The following PCDHGA1 variants were observed in gnomAD, a reference collection of about 807,000 sequenced individuals.
PCDHGA1 encodes the protein protocadherin gamma-A1.
PCDHGA1 carries 32 observed loss-of-function variants against 58.0 expected under a neutral mutation model. That is an observed-to-expected ratio of 0.55 (90% CI 0.42 to 0.74). PCDHGA1 has a LOEUF of 0.74. PCDHGA1 is among the 30% of genes least tolerant of loss of function. PCDHGA1 has a pLI of 0.00. For synonymous variants in PCDHGA1, 498 were observed against 501.1 expected (o/e 0.99, Z 0.08); for missense variants, 1,205 against 1,182.3 (o/e 1.02, Z -0.28).
At chr5:141,365,299 T>TGGAG (rs1561533738) in intron 1 of PCDHGA1, 1 of 1,614,002 alleles carries the variant, frequency 6.2e-7, no homozygotes, top group South Asian at 1.1e-5. Context: ...TAGCTCAGGA[T>TGGAG]GGAGGCGCTC....
At chr5:141,416,859 G>C (rs1411419006) in intron 1 of PCDHGA1, 1 of 151,936 alleles carries the variant, frequency 6.6e-6, no homozygotes, top group African/African-American at 2.4e-5. Context: ...ATTTTTTTCA[G>C]GTCAGTCAAC....
intron 1 of PCDHGA1, chr5:141,340,485 T>A (rs756760446): frequency 1.2e-6 from 2 of 1,614,154 alleles, no homozygotes; most frequent in Non-Finnish European, 1.7e-6. Flanking sequence ...TCCTCTTACA[T>A]CTCTATCAAC....
In PCDHGA1 at chr5:141,350,355, G is replaced by A. The variant is rs762723957; in HGVS notation, c.2421+17250G>A. The stretch of plus-strand genomic sequence containing the variant: ...TGCGGGGCCATCTCCCAGCAGATCC[G>A]ATACACGATTCCAGAGGAGCTAGCC... On this transcript the variant is annotated intron_variant, in intron 1 of 3. Coordinates refer to ENST00000517417, the MANE Select transcript of PCDHGA1 (RefSeq NM_018912.3). 2 of 1,565,846 alleles carry A rather than the reference G, an allele frequency of 1.3e-6. No homozygotes were observed. Among genetic ancestry groups the A allele is most frequent in the Non-Finnish European group, 1.7e-6 (2 of 1,155,674 alleles).
chr5:141,466,068 G>C (rs1278308918), intron 1 of PCDHGA1, among the ~76,000 whole-genome samples: 4 of 152,080 alleles, frequency 2.6e-5, no homozygotes, highest in Admixed American at 2.6e-4. Flanking sequence ...CTTGCAGTGA[G>C]CTGATATCAT....
At chr5:141,372,294 G>T (rs536487253) in intron 1 of PCDHGA1, 39 of 1,613,162 alleles carry the variant, frequency 2.4e-5, no homozygotes, top group Non-Finnish European at 2.9e-5. Flanking sequence ...TACCTTGGGC[G>T]ACAGGGAGGC....
intron 1 of PCDHGA1, among the ~76,000 whole-genome samples, chr5:141,464,404 T>G (rs1224596546): frequency 6.6e-6 from 1 of 151,532 alleles, no homozygotes; most frequent in African/African-American, 2.4e-5. Flanking sequence ...GAACCTGAGA[T>G]ATATATATAT....
chr5:141,507,631 C>T (rs1435446169), intron 3 of PCDHGA1, among the ~76,000 whole-genome samples: 4 of 152,236 alleles, frequency 2.6e-5, no homozygotes, highest in East Asian at 3.8e-4. Context: ...TGTGGCCTTG[C>T]GCCCTGAGGC....
intron 1 of PCDHGA1, among the ~76,000 whole-genome samples, chr5:141,466,534 T>C (rs1343781541): frequency 6.6e-6 from 1 of 152,214 alleles, no homozygotes; most frequent in Non-Finnish European, 1.5e-5. Flanking sequence ...CAAATTGATG[T>C]AGATGGTCTT....
At chr5:141,415,740 G>GTTTTTTT (rs57426385) in intron 1 of PCDHGA1, 164 of 624,990 alleles carry the variant, frequency 2.6e-4, no homozygotes, top group African/African-American at 5.0e-4. Flanking sequence ...GTTTATTAAG[G>GTTTTTTT]TTTTTTTTTT....
At position 141,477,761 on chromosome 5, in the gene PCDHGA1, AC is replaced by A. The variant is rs754006143; in HGVS notation, c.2422-17044del. ...CGATGGGGGCACCCCGGTCCTAGCC[AC>A]CAACATCAGCGTGAACATATTTGTC... On this transcript the variant is annotated intron_variant, in intron 1 of 3. Coordinates refer to ENST00000517417, the MANE Select transcript of PCDHGA1 (RefSeq NM_018912.3). This position sits in a 1 kb window ranked among gnomAD's most constrained non-coding sequence, Gnocchi z 4.9. 5 of 1,613,854 alleles carry A rather than the reference AC, an allele frequency of 3.1e-6. No homozygotes were observed. Among genetic ancestry groups the A allele is most frequent in the Non-Finnish European group, 4.2e-6 (5 of 1,180,044 alleles).
At position 141,511,963 on chromosome 5, in the gene PCDHGA1, AGT is replaced by A. The variant is rs1204123000; in HGVS notation, c.*796_*797del. On this transcript the variant is annotated 3_prime_UTR_variant, in exon 4 of 4. Transcript: ENST00000517417. ...ATGGGGTGGTAAGATAAGGAAGGGA[AGT>A]GTGTGGATGTGGATGGTGGGGGCAT... 1 of 153,636 alleles carries A rather than the reference AGT, an allele frequency of 6.5e-6. No individual in the cohort carries two copies. 9.5% of individuals were successfully genotyped at this position (153,636 alleles called of 1,614,324 possible).
At chr5:141,413,820 C>T in intron 1 of PCDHGA1, 1 of 1,613,204 alleles carries the variant, frequency 6.2e-7, no homozygotes, top group Non-Finnish European at 8.5e-7. Flanking sequence ...ACCACCTGGT[C>T]CTCACCGCCT....
intron 1 of PCDHGA1, among the ~76,000 whole-genome samples, chr5:141,452,578 C>T (rs2098744735): frequency 6.6e-6 from 1 of 152,150 alleles, no homozygotes; most frequent in African/African-American, 2.4e-5. Flanking sequence ...TCCCCCTTTC[C>T]ATCTTTGTAT....
chr5:141,348,051 T>C (rs1758056704), intron 1 of PCDHGA1, among the ~76,000 whole-genome samples: 1 of 152,232 alleles, frequency 6.6e-6, no homozygotes, highest in Non-Finnish European at 1.5e-5. Flanking sequence ...TAGAAGTCCC[T>C]TCTTTTGTCA....
chr5:141,404,932 C>A, intron 1 of PCDHGA1: 1 of 1,613,944 alleles, frequency 6.2e-7, no homozygotes, highest in Non-Finnish European at 8.5e-7. Flanking sequence ...CTGTCACGCT[C>A]ACAGTAGCCA....
At chr5:141,374,388 G>T (rs779801370) in intron 1 of PCDHGA1, 3 of 1,614,044 alleles carry the variant, frequency 1.9e-6, no homozygotes, top group Non-Finnish European at 2.5e-6. Context: ...AGCCCGCGGT[G>T]TCTGGTGAGT....
At position 141,408,301 on chromosome 5, in the gene PCDHGA1, C is replaced by T. The variant is rs1472435921; in HGVS notation, c.2421+75196C>T. 3.1e-6 allele frequency: 5 copies of T among 1,613,756 alleles called. No individual in the cohort carries two copies. In the Admixed American group the frequency reaches 8.3e-5, roughly 27 times the overall value. ...TCTACCCCACCCTGAGTGAGCCGAT[C>T]CGCTACTCGATTCCGGAGGAGCTGG... On this transcript the variant is annotated intron_variant, in intron 1 of 3. Transcript: ENST00000517417.
chr5:141,403,512 A>G (rs751429629), intron 1 of PCDHGA1: 2 of 1,614,020 alleles, frequency 1.2e-6, no homozygotes, highest in Non-Finnish European at 1.7e-6. Context: ...ACTGGAGACA[A>G]TGGAGCCATA....
rs762574320 is a variant in PCDHGA1, at chr5:141,485,926, G to T, written c.2422-8881G>T. 2.5e-6 allele frequency: 4 copies of T among 1,614,090 alleles called. No individual in the cohort carries two copies. The highest frequency in any genetic ancestry group is 3.4e-6 in the Non-Finnish European group (4 of 1,180,052). On this transcript the variant is annotated intron_variant, in intron 1 of 3. Transcript: ENST00000517417. This position sits in a 1 kb window ranked among gnomAD's most constrained non-coding sequence, Gnocchi z 5.7. Reference sequence around the variant, plus strand: ...AGCAATCCAGCTACAGGATTAGTGTGTTGGAGAGCGCACCAGCGGGCATGG... The same window carrying T: ...AGCAATCCAGCTACAGGATTAGTGTTTTGGAGAGCGCACCAGCGGGCATGG...
Sources: gnomAD v4.1 joint callset for allele counts (sites outside exome capture counted in the v4.1 genomes callset) on GRCh38, gnomAD v4.1.1 for gene constraint, Gnocchi (gnomAD v3.1) non-coding constraint, MANE v1.5 for transcripts, NCBI Gene and HGNC (gene_info 2026-07-23, HGNC 2026-07-21) for gene names.